The following DIAPH3 variants were observed in gnomAD, a reference collection of about 807,000 sequenced individuals.
DIAPH3 encodes protein diaphanous homolog 3.
Under a neutral mutation model 144.3 loss-of-function variants are expected in DIAPH3, and 117 were observed. The ratio of observed to expected loss-of-function variants is 0.81; its 90% confidence interval spans 0.70 to 0.95. DIAPH3 has a LOEUF of 0.95. DIAPH3 is among the 40% of genes least tolerant of loss of function. The probability of loss-of-function intolerance (pLI) is 0.00; values close to 1 mark genes in which losing one functional copy is unlikely to be tolerated. For missense variants in DIAPH3, 1,421 were observed against 1,412.7 expected, an observed-to-expected ratio of 1.01 and a Z score of -0.09; for synonymous variants, 519 against 488.9, an observed-to-expected ratio of 1.06 and a Z score of -0.81.
chr13:59,864,340 T>C (rs1177905528), intron 21 of DIAPH3, among the ~76,000 whole-genome samples: 1 of 152,052 alleles, frequency 6.6e-6, no homozygotes, highest in African/African-American at 2.4e-5. Context: ...AGCACCCTAG[T>C]AGCAAAGATC....
At chr13:59,670,806 A>G (rs1342241489) in intron 27 of DIAPH3, among the ~76,000 whole-genome samples, 1 of 151,942 alleles carries the variant, frequency 6.6e-6, no homozygotes, top group African/African-American at 2.4e-5. Flanking sequence ...GATGGTCTCG[A>G]TCTCCTGACC....
chr13:60,060,329 T>G (rs2056716865), intron 4 of DIAPH3, among the ~76,000 whole-genome samples: 1 of 152,104 alleles, frequency 6.6e-6, no homozygotes, highest in African/African-American at 2.4e-5. Flanking sequence ...GGGAGTTTGG[T>G]CTCCGATTTC....
chr13:59,758,947 T>A (rs2037427348), intron 27 of DIAPH3, among the ~76,000 whole-genome samples: 1 of 148,054 alleles, frequency 6.8e-6, no homozygotes, highest in Non-Finnish European at 1.5e-5. Flanking sequence ...AACTGGCTAA[T>A]TTTGAATTTT....
intron 27 of DIAPH3, among the ~76,000 whole-genome samples, chr13:59,749,082 C>T (rs2036851402): frequency 6.6e-6 from 1 of 151,334 alleles, no homozygotes; most frequent in African/African-American, 2.4e-5. Flanking sequence ...GGTGTGGTGG[C>T]ATGAACCTAT....
At chr13:60,042,058 C>A (rs183850132) in intron 5 of DIAPH3, among the ~76,000 whole-genome samples, 1 of 152,138 alleles carries the variant, frequency 6.6e-6, no homozygotes, top group Non-Finnish European at 1.5e-5. Flanking sequence ...AATATATTTA[C>A]ACTGATTGTT....
intron 18 of DIAPH3, among the ~76,000 whole-genome samples, chr13:59,916,922 T>C (rs1050241586): frequency 3.3e-5 from 5 of 152,164 alleles, no homozygotes; most frequent in African/African-American, 9.6e-5. Flanking sequence ...TGATGGCTCT[T>C]ATATCAACTA....
intron 25 of DIAPH3, among the ~76,000 whole-genome samples, chr13:59,809,323 G>A (rs956561088): frequency 1.9e-4 from 29 of 152,212 alleles, no homozygotes; most frequent in Admixed American, 1.3e-4. Flanking sequence ...CCAACACGGC[G>A]AAACTCGGTC....
chr13:60,120,400 C>T (rs2138138832), intron 2 of DIAPH3, among the ~76,000 whole-genome samples: 1 of 152,294 alleles, frequency 6.6e-6, no homozygotes, highest in Non-Finnish European at 1.5e-5. Context: ...CTTCGATATT[C>T]CTCAATGTTA....
At position 59,963,892 on chromosome 13, in the gene DIAPH3, T is replaced by G. The variant is rs2049909580; in HGVS notation, c.2074+6052A>C. On this transcript the variant is annotated intron_variant, in intron 17 of 27. Transcript: ENST00000400324. The stretch of plus-strand genomic sequence containing the variant: ...TATTAATGCCCTAAGATTACAATAG[T>G]GCATTCAGAAGGATAAGCCTCATTT... Among the ~76,000 whole-genome samples, 7 of 152,166 alleles carry G rather than the reference T, an allele frequency of 4.6e-5. 1 individual carries two copies. In the South Asian group the frequency reaches 1.5e-3, roughly 32 times the overall value.
chr13:60,137,419 A>T (rs2059313016), intron 1 of DIAPH3, among the ~76,000 whole-genome samples: 1 of 152,220 alleles, frequency 6.6e-6, no homozygotes, highest in Non-Finnish European at 1.5e-5. Context: ...TTCCCCACTA[A>T]CTTAGTTTAC....
intron 5 of DIAPH3, among the ~76,000 whole-genome samples, chr13:60,022,004 AT>A (rs1459202054): frequency 2.6e-5 from 4 of 152,254 alleles, no homozygotes; most frequent in African/African-American, 4.8e-5. Flanking sequence ...AATTACAATT[AT>A]TTTTTGAGCA....
intron 4 of DIAPH3, among the ~76,000 whole-genome samples, chr13:60,066,176 A>T (rs2056957126): frequency 6.6e-6 from 1 of 152,148 alleles, no homozygotes; most frequent in Non-Finnish European, 1.5e-5. Context: ...TACCACCCTC[A>T]AATCTAGTAG....
intron 13 of DIAPH3, among the ~76,000 whole-genome samples, chr13:59,982,259 AT>A (rs1277527891): frequency 6.6e-6 from 1 of 151,410 alleles, no homozygotes; most frequent in African/African-American, 2.4e-5. Context: ...CAAATATTTT[AT>A]TTCCTTCTCA....
intron 27 of DIAPH3, among the ~76,000 whole-genome samples, chr13:59,725,247 G>C (rs1264034406): frequency 6.6e-6 from 1 of 152,154 alleles, no homozygotes; most frequent in Non-Finnish European, 1.5e-5. Context: ...AGCTAAGGAA[G>C]ACTTAGTCTG....
chr13:59,943,915 G>A (rs917479329), intron 17 of DIAPH3, among the ~76,000 whole-genome samples: 1 of 151,980 alleles, frequency 6.6e-6, no homozygotes, highest in African/African-American at 2.4e-5. Context: ...GCCAACCAAG[G>A]GAAAAGATGA....
intron 4 of DIAPH3, among the ~76,000 whole-genome samples, chr13:60,067,278 C>T (rs1022877581): frequency 3.3e-5 from 5 of 151,068 alleles, no homozygotes; most frequent in Admixed American, 6.6e-5. Context: ...GTGTGAGACC[C>T]TATATCAAAA....
chr13:60,146,522 G>C (rs897313445), intron 1 of DIAPH3, among the ~76,000 whole-genome samples: 1 of 152,182 alleles, frequency 6.6e-6, no homozygotes, highest in African/African-American at 2.4e-5. Flanking sequence ...ATTCTAGAAT[G>C]GGATTTGATA....
chr13:59,794,221 T>A (rs554241374), intron 25 of DIAPH3, among the ~76,000 whole-genome samples: 243 of 152,300 alleles, frequency 1.6e-3, no homozygotes, highest in Admixed American at 2.7e-3. Context: ...ATTTCCAAAT[T>A]ATGATGGGTT....
chr13:59,840,879 TATA>T (rs1328851957), intron 22 of DIAPH3, among the ~76,000 whole-genome samples: 1 of 152,146 alleles, frequency 6.6e-6, no homozygotes, highest in Non-Finnish European at 1.5e-5. Flanking sequence ...CACTAAATGC[TATA>T]ATAATACACA....
Sources: gnomAD v4.1 joint callset for allele counts (sites outside exome capture counted in the v4.1 genomes callset) on GRCh38, gnomAD v4.1.1 for gene constraint, MANE v1.5 for transcripts, NCBI Gene and HGNC (gene_info 2026-07-23, HGNC 2026-07-21) for gene names.